Variants in WDR47 observed in about 807,000 individuals in gnomAD.
The protein encoded by WDR47 is WD repeat domain 47.
Under a neutral mutation model 97.2 loss-of-function variants are expected in WDR47, and 32 were observed. The observed-to-expected ratio is 0.33, with a 90% CI of 0.25 to 0.44. The LOEUF is 0.44. WDR47 is among the 20% of genes least tolerant of loss of function. WDR47 has a pLI of 1.00. For missense variants in WDR47, 782 were observed against 1,102.3 expected, an observed-to-expected ratio of 0.71 and a Z score of 4.11; for synonymous variants, 375 against 373.5, an observed-to-expected ratio of 1.00 and a Z score of -0.05.
intron 5 of WDR47, 25 bp downstream of exon 5, chr1:109,010,891 C>T: frequency 6.3e-7 from 1 of 1,582,472 alleles, no homozygotes; most frequent in Non-Finnish European, 8.6e-7. Flanking sequence ...CTAAGATTTC[C>T]TAATTTTTAT....
chr1:109,033,232 T>C (rs899508627), intron 1 of WDR47, among the ~76,000 whole-genome samples: 2 of 151,878 alleles, frequency 1.3e-5, no homozygotes, highest in African/African-American at 4.8e-5. Context: ...GGGGCAGAGG[T>C]GGCAGTGAGT....
At chr1:108,988,911 C>CCA (rs1659083206) in intron 9 of WDR47, among the ~76,000 whole-genome samples, 1 of 151,932 alleles carries the variant, frequency 6.6e-6, no homozygotes, top group South Asian at 2.1e-4. Context: ...GCATGCACCA[C>CCA]CACACCCGGC....
chr1:108,992,541 G>A, intron 8 of WDR47: 1 of 1,503,790 alleles, frequency 6.6e-7, no homozygotes, highest in South Asian at 1.1e-5. Flanking sequence ...CCCAAAAAGA[G>A]TGCTGAATTT....
Position 109,004,695 on chromosome 1 carries a change from T to G in WDR47, c.1151A>C (p.Gln384Pro), listed in dbSNP as rs1660461695. The change falls in exon 6 of 15, where the codon CAG becomes CCG. Residue 384 changes from glutamine (Q) to proline (P), a missense_variant. By Grantham distance (76) the Gln-to-Pro change is moderately conservative. Transcript: ENST00000369962. ...CAAGATTTCACTGCCGATAGGCCTC[T>G]GTGCATCAACAGGTGTATCACTTCT... Reference protein sequence around the residue: ...SPERDTPVDAQRPIGSEILGQ... With the variant: ...SPERDTPVDAPRPIGSEILGQ... 1 of 1,611,930 alleles carries G rather than the reference T, an allele frequency of 6.2e-7. No homozygotes were observed.
Position 109,010,941 on chromosome 1 carries a change from T to G in WDR47, c.1105A>C (p.Ser369Arg). Reference sequence around the variant, plus strand: ...CGCTCAGGGGATTCTTCGTAAATACTGTGACATTCTGTATTCTCAAGCATG... The same window carrying G: ...CGCTCAGGGGATTCTTCGTAAATACGGTGACATTCTGTATTCTCAAGCATG... ...SLMLENTECH[S>R]IYEESPERDT... is the part of the protein sequence containing the mutation. The change falls in exon 5 of 15, where the codon AGT becomes CGT. Residue 369 changes from serine (S) to arginine (R), a missense_variant. Physicochemically the swap from Ser to Arg is moderately radical, Grantham distance 110. This residue lies in a region of WDR47 where 428 missense variants were observed against 584.3 expected (regional missense o/e 0.73). Transcript: ENST00000369962. 4 of 1,613,244 alleles carry G rather than the reference T, an allele frequency of 2.5e-6. No homozygotes were observed. Among genetic ancestry groups the G allele is most frequent in the Non-Finnish European group, 3.4e-6 (4 of 1,179,472 alleles).
At chr1:108,975,156 GGAC>G (rs1274551225) in intron 13 of WDR47, among the ~76,000 whole-genome samples, 3 of 151,958 alleles carry the variant, frequency 2.0e-5, no homozygotes, top group Admixed American at 2.0e-4. Context: ...ATGTATTTTA[GGAC>G]AACAGTATAG....
At chr1:108,983,488 T>C (rs111431814) in intron 10 of WDR47, 37 bp from the exon 11 acceptor site, 1 of 1,503,166 alleles carries the variant, frequency 6.7e-7, no homozygotes. Context: ...TTTCAATTTC[T>C]TGCTTGCTAC....
At chr1:109,041,128 C>T (rs1395793976) in intron 1 of WDR47, among the ~76,000 whole-genome samples, 1 of 151,728 alleles carries the variant, frequency 6.6e-6, no homozygotes, top group Non-Finnish European at 1.5e-5. Context: ...ACCCTCGCCC[C>T]CCGCCCCCGC....
chr1:108,973,012 T>C (rs1657598483), intron 14 of WDR47, among the ~76,000 whole-genome samples: 1 of 151,770 alleles, frequency 6.6e-6, no homozygotes, highest in South Asian at 2.1e-4. Context: ...CTCTCTCTCT[T>C]AGTTCACTAA....
At chr1:109,007,327 T>C (rs1182694878) in intron 5 of WDR47, among the ~76,000 whole-genome samples, 1 of 151,852 alleles carries the variant, frequency 6.6e-6, no homozygotes, top group African/African-American at 2.4e-5. Context: ...TATATAACAT[T>C]TAAAAAAACA....
At chr1:108,974,868 C>G in intron 13 of WDR47, 114 bp from the exon 14 acceptor site, 1 of 832,418 alleles carries the variant, frequency 1.2e-6, no homozygotes, top group Non-Finnish European at 1.9e-6. Flanking sequence ...TTTATCAATA[C>G]TATTCAGCGA....
At chr1:108,981,645 C>G in intron 13 of WDR47, 88 bp downstream of exon 13, 2 of 1,306,172 alleles carry the variant, frequency 1.5e-6, no homozygotes, top group South Asian at 1.6e-5. Context: ...ACAATTTTTT[C>G]TATTTTTTAT....
intron 3 of WDR47, 97 bp from the exon 4 acceptor site, chr1:109,014,022 C>T: frequency 1.2e-6 from 1 of 831,446 alleles, no homozygotes; most frequent in Non-Finnish European, 1.9e-6. Context: ...GAAAATTATT[C>T]AAATAATTTA....
At chr1:109,010,584 T>A (rs1285709461) in intron 5 of WDR47, among the ~76,000 whole-genome samples, 2 of 147,824 alleles carry the variant, frequency 1.4e-5, no homozygotes, top group Non-Finnish European at 3.0e-5. Context: ...CCTAATTTTT[T>A]TTTTTTTTTT....
At position 108,995,589 on chromosome 1, in the gene WDR47, C is replaced by T. The variant is rs773277174; in HGVS notation, c.1682G>A (p.Gly561Glu). 1 of 1,613,928 alleles carries T rather than the reference C, an allele frequency of 6.2e-7. No homozygotes were observed. The highest frequency in any genetic ancestry group is 8.5e-7 in the Non-Finnish European group (1 of 1,179,930). The change falls in exon 8 of 15, where the codon GGA (glycine) becomes GAA (glutamate). Residue 561 changes from glycine (G) to glutamate (E), a missense_variant. Physicochemically the swap from Gly to Glu is moderately conservative, Grantham distance 98 (BLOSUM62 -2). Around this residue, in one of 3 missense-constraint regions of WDR47, gnomAD observed 126 missense variants for 121.3 expected, o/e 1.04. Coordinates refer to ENST00000369962, the MANE Select transcript of WDR47 (RefSeq NM_001142551.2). ...HIPFLEESPC[G>E]SQISSEHSVI... ...AAAGTCAAGCACTTACATTTGGCTT[C>T]CACAAGGTGATTCCTCCAGAAAAGG... is the stretch of plus-strand genomic sequence containing the variant.
At position 109,011,576 on chromosome 1, in the gene WDR47, G is replaced by A; in HGVS notation, c.470C>T (p.Pro157Leu). The A allele has an allele frequency of 6.2e-7, 1 of 1,614,118 alleles. No homozygotes were observed. The highest frequency in any genetic ancestry group is 8.5e-7 in the Non-Finnish European group (1 of 1,180,040). The change falls in exon 5 of 15, where the codon CCC (proline) becomes CTC (leucine). Residue 157 changes from proline to leucine, a missense_variant. Physicochemically the swap from Pro to Leu is moderately conservative, Grantham distance 98 (BLOSUM62 -3). Coordinates refer to ENST00000369962, the MANE Select transcript of WDR47 (RefSeq NM_001142551.2). The stretch of plus-strand genomic sequence containing the variant: ...AAAACAGTGAACTCGTGCGGTGCTG[G>A]GATTCCAGTCCTTAAACTCGGCATG... ...TNHAEFKDWN[P>L]STARVHCFEE... is the part of the protein sequence containing the mutation.
At chr1:109,022,165 T>C (rs1312306661) in intron 2 of WDR47, among the ~76,000 whole-genome samples, 3 of 152,090 alleles carry the variant, frequency 2.0e-5, no homozygotes, top group African/African-American at 7.2e-5. Flanking sequence ...TTTTTAAATA[T>C]AAGTTTGTAA....
intron 1 of WDR47, among the ~76,000 whole-genome samples, chr1:109,041,190 C>G (rs566461102): frequency 1.3e-5 from 2 of 151,892 alleles, no homozygotes; most frequent in South Asian, 4.2e-4. Context: ...ATTTTTCTCC[C>G]CAATAAAGGG....
At chr1:108,982,014 G>C (rs1304171847) in intron 12 of WDR47, 150 bp from the exon 13 acceptor site, 2 of 796,124 alleles carry the variant, frequency 2.5e-6, no homozygotes, top group Non-Finnish European at 3.8e-6. Flanking sequence ...CTGGAGCCCA[G>C]GAGTTCGAGG....
Sources: gnomAD v4.1 joint callset for allele counts (sites outside exome capture counted in the v4.1 genomes callset) on GRCh38, gnomAD v4.1.1 for gene constraint, gnomAD v4.1.1 regional missense constraint, MANE v1.5 for transcripts, NCBI Gene and HGNC (gene_info 2026-07-23, HGNC 2026-07-21) for gene names.